TGFBR1: variants seen among roughly 807,000 people sequenced by gnomAD.
TGFBR1 encodes transforming growth factor beta receptor 1.
TGFBR1 carries 20 observed loss-of-function variants against 55.1 expected under a neutral mutation model. The ratio of observed to expected loss-of-function variants is 0.36; its 90% CI spans 0.26 to 0.53. The LOEUF (loss-of-function observed/expected upper bound fraction) is 0.53, where lower values mean the gene tolerates loss of function less well. TGFBR1 is among the 20% of genes least tolerant of loss of function. TGFBR1 has a pLI of 0.91. For missense variants in TGFBR1, 385 were observed against 617.6 expected (o/e 0.62, Z 3.99); for synonymous variants, 220 against 214.8 (o/e 1.02, Z -0.21).
In TGFBR1 at chr9:99,150,049, G is replaced by T; in HGVS notation, c.*744G>T. The T allele has an allele frequency of 5.3e-6, 1 of 188,030 alleles. No homozygotes were observed. Among genetic ancestry groups the T allele is most frequent in the Non-Finnish European group, 1.1e-5 (1 of 89,218 alleles). The allele number at this position is 188,030 out of a possible 1,614,324, so 11.6% of individuals were successfully genotyped here. On this transcript the variant is annotated 3_prime_UTR_variant, in exon 9 of 9. Transcript: ENST00000374994. ...TTGAATTCAAAAAGCTTATTTATCT[G>T]GGTAACCCAAACTTTTTCTGTTTTG...
rs200369181 is a variant in TGFBR1 at position 99,147,645 on chromosome 9, C to A, written c.1256-9C>A. The A allele has an allele frequency of 3.1e-6, 5 of 1,611,902 alleles. No individual in the cohort carries two copies. The highest frequency in any genetic ancestry group is 4.2e-6 in the Non-Finnish European group (5 of 1,178,790). On this transcript the variant is annotated splice_polypyrimidine_tract_variant and intron_variant, in intron 7 of 8. Coordinates refer to ENST00000374994, the MANE Select transcript of TGFBR1 (RefSeq NM_004612.4). The stretch of plus-strand genomic sequence containing the variant: ...TCATCAAAATTTAATTTTTTTTAAA[C>A]TGATACAGGAATTCATGAAGATTAC...
intron 7 of TGFBR1, among the ~76,000 whole-genome samples, chr9:99,147,383 A>G (rs1315811149): frequency 2.0e-5 from 3 of 152,164 alleles, no homozygotes; most frequent in South Asian, 2.1e-4. Flanking sequence ...GAAAATGTCA[A>G]TCTGGTCATC....
chr9:99,117,056 C>T (rs1826766831), intron 1 of TGFBR1, among the ~76,000 whole-genome samples: 1 of 152,166 alleles, frequency 6.6e-6, no homozygotes, highest in Non-Finnish European at 1.5e-5. Flanking sequence ...CACAATTTAA[C>T]TGCTTTGCTT....
chr9:99,105,245 C>T lies in TGFBR1; in HGVS notation c.40C>T (p.Leu14Phe). 9.4e-7 allele frequency: 1 copy of T among 1,066,372 alleles called. No individual in the cohort carries two copies. The highest frequency in any genetic ancestry group is 1.1e-6 in the Non-Finnish European group (1 of 886,326). The allele number at this position is 1,066,372 out of a possible 1,614,324, so 66.1% of individuals were successfully genotyped here. A position where few individuals can be genotyped will look rare whatever the true frequency, so the allele number is the denominator to read the frequency against. ...CGCTGCTCCGCGTCCCCGGCTGCTC[C>T]TCCTCGTGCTGGCGGCGGCGGCGGC... ...AVAAPRPRLL[L>F]LVLAAAAAAA... The change falls in exon 1 of 9, where the codon CTC (leucine) becomes TTC (phenylalanine). Residue 14 changes from leucine to phenylalanine, a missense_variant. Transcript: ENST00000374994.
Position 99,105,161 on chromosome 9 carries a change from G to A in TGFBR1, c.-45G>A, listed in dbSNP as rs1489401878. On this transcript the variant is annotated 5_prime_UTR_variant, in exon 1 of 9. Coordinates refer to ENST00000374994, the MANE Select transcript of TGFBR1 (RefSeq NM_004612.4). ...GCGAGGTTTGCTGGGGTGAGGCAGC[G>A]GCGCGGCCGGGCCGGGCCGGGCCAC... 16 of 1,087,276 alleles carry A rather than the reference G, an allele frequency of 1.5e-5. No homozygotes were observed. Among genetic ancestry groups the A allele is most frequent in the Non-Finnish European group, 1.7e-5 (15 of 895,440 alleles). The allele number at this position is 1,087,276 out of a possible 1,614,324, so 67.4% of individuals were successfully genotyped here.
Position 99,149,488 on chromosome 9 carries a change from G to T in TGFBR1, c.*183G>T. On this transcript the variant is annotated 3_prime_UTR_variant, in exon 9 of 9. Coordinates refer to ENST00000374994, the MANE Select transcript of TGFBR1 (RefSeq NM_004612.4). ...TTTGGACCCAGGAAACAGCCATGTGGGTCCTTTCTGTGCACTATGAACGCT... is the reference window on the plus strand; with the variant it reads ...TTTGGACCCAGGAAACAGCCATGTGTGTCCTTTCTGTGCACTATGAACGCT... 8 of 713,116 alleles carry T rather than the reference G, an allele frequency of 1.1e-5. No individual in the cohort carries two copies. The highest frequency in any genetic ancestry group is 1.9e-5 in the Non-Finnish European group (8 of 426,536). 44.2% of individuals were successfully genotyped at this position (713,116 alleles called of 1,614,324 possible).
intron 1 of TGFBR1, among the ~76,000 whole-genome samples, chr9:99,118,136 GA>G (rs1826799991): frequency 6.6e-6 from 1 of 152,086 alleles, no homozygotes. Flanking sequence ...ACTGGTTTAA[GA>G]ATGATTTTTT....
At chr9:99,134,583 G>A (rs992011582) in intron 3 of TGFBR1, among the ~76,000 whole-genome samples, 2 of 151,700 alleles carry the variant, frequency 1.3e-5, no homozygotes, top group African/African-American at 4.8e-5. Flanking sequence ...AATCAGGATG[G>A]CTACAGATAT....
At chr9:99,118,984 G>A (rs1421641221) in intron 1 of TGFBR1, among the ~76,000 whole-genome samples, 2 of 152,166 alleles carry the variant, frequency 1.3e-5, no homozygotes, top group East Asian at 1.9e-4. Flanking sequence ...TATCAGTGGT[G>A]TGTTCTCTGC....
rs10988729 is a variant in TGFBR1 at position 99,147,482 on chromosome 9, G to C, written c.1256-172G>C. ...AAGGTGTGGGTGGAATATCAACTCA[G>C]GGAAGTGGCTTGTGGATACAGATGT... On this transcript the variant is annotated intron_variant, in intron 7 of 8. Coordinates refer to ENST00000374994, the MANE Select transcript of TGFBR1 (RefSeq NM_004612.4). Among the ~76,000 whole-genome samples the C allele has an allele frequency of 1.7e-3, 263 of 152,288 alleles. 1 individual carries two copies. The highest frequency in any genetic ancestry group is 6.2e-3 in the African/African-American group (256 of 41,548).
intron 1 of TGFBR1, among the ~76,000 whole-genome samples, chr9:99,111,686 A>C (rs1826586634): frequency 6.6e-6 from 1 of 152,168 alleles, no homozygotes; most frequent in African/African-American, 2.4e-5. Flanking sequence ...ATTCTATTTC[A>C]GCAGTTTATG....
In TGFBR1 at chr9:99,109,879, C is replaced by A. The variant is rs189987790; in HGVS notation, c.97+4577C>A. Among the ~76,000 whole-genome samples, 4 of 152,294 alleles carry A rather than the reference C, an allele frequency of 2.6e-5. No individual in the cohort carries two copies. In the East Asian group the frequency reaches 7.7e-4, roughly 29 times the overall value. On this transcript the variant is annotated intron_variant, in intron 1 of 8. Coordinates refer to ENST00000374994, the MANE Select transcript of TGFBR1 (RefSeq NM_004612.4). ...TTGAGGAAAAGTTTTGGAGTCTTCTCAGAATTTATGGTCAGTTTTGACCCA... is the reference window on the plus strand; with the variant it reads ...TTGAGGAAAAGTTTTGGAGTCTTCTAAGAATTTATGGTCAGTTTTGACCCA...
intron 1 of TGFBR1, among the ~76,000 whole-genome samples, chr9:99,122,063 A>T (rs1470657044): frequency 6.6e-6 from 1 of 152,160 alleles, no homozygotes; most frequent in Non-Finnish European, 1.5e-5. Context: ...AACGTTTTGA[A>T]AAGAATATTG....
chr9:99,135,023 A>T (rs965247429), intron 3 of TGFBR1, among the ~76,000 whole-genome samples: 1 of 151,500 alleles, frequency 6.6e-6, no homozygotes, highest in Non-Finnish European at 1.5e-5. Flanking sequence ...AAAGTGATGG[A>T]TTCTGTGCAC....
chr9:99,120,139 G>A (rs1196764882), intron 1 of TGFBR1, among the ~76,000 whole-genome samples: 1 of 152,170 alleles, frequency 6.6e-6, no homozygotes, highest in African/African-American at 2.4e-5. Flanking sequence ...GAAGTAAGTT[G>A]AAGAAATTTA....
At chr9:99,128,058 G>A (rs533338721) in intron 1 of TGFBR1, 5 of 454,652 alleles carry the variant, frequency 1.1e-5, no homozygotes, top group Non-Finnish European at 1.8e-5. Flanking sequence ...ATGGTTGAAG[G>A]TGTATCTGTG....
At chr9:99,106,746 A>C (rs1826426619) in intron 1 of TGFBR1, among the ~76,000 whole-genome samples, 1 of 152,136 alleles carries the variant, frequency 6.6e-6, no homozygotes, top group Non-Finnish European at 1.5e-5. Context: ...GGCGTAGCCC[A>C]TTTTTCTTCT....
At chr9:99,106,033 T>G (rs1288462372) in intron 1 of TGFBR1, among the ~76,000 whole-genome samples, 7 of 152,220 alleles carry the variant, frequency 4.6e-5, no homozygotes, top group Non-Finnish European at 7.3e-5. Context: ...AGTGTTGAAG[T>G]GAGTCCAGTA....
intron 2 of TGFBR1, among the ~76,000 whole-genome samples, chr9:99,132,127 A>G (rs1827249031): frequency 6.6e-6 from 1 of 152,058 alleles, no homozygotes; most frequent in South Asian, 2.1e-4. Context: ...TTGGAACAAG[A>G]AGACAAGCCA....
Sources: gnomAD v4.1 joint callset for allele counts (sites outside exome capture counted in the v4.1 genomes callset) on GRCh38, gnomAD v4.1.1 for gene constraint, MANE v1.5 for transcripts, NCBI Gene and HGNC (gene_info 2026-07-23, HGNC 2026-07-21) for gene names.